TRPM3: variants seen among roughly 807,000 people sequenced by gnomAD.
The protein encoded by TRPM3 is long transient receptor potential channel 3.
In TRPM3, 77 loss-of-function variants were observed where a neutral mutation model predicts 181.2. That is an observed-to-expected ratio of 0.42 (90% CI 0.35 to 0.51). The LOEUF (loss-of-function observed/expected upper bound fraction) is 0.51. TRPM3 is among the 20% of genes least tolerant of loss of function. The pLI is 0.01. For synonymous variants in TRPM3, 745 were observed against 796.4 expected, an observed-to-expected ratio of 0.94 and a Z score of 1.09; for missense variants, 1,759 against 2,196.7, an observed-to-expected ratio of 0.80 and a Z score of 3.98.
intron 1 of TRPM3, among the ~76,000 whole-genome samples, chr9:70,866,673 C>G (rs777923456): frequency 5.3e-5 from 8 of 151,960 alleles, no homozygotes; most frequent in Admixed American, 1.3e-4. Flanking sequence ...AACCCACAAG[C>G]CCTGGCTGGC....
At chr9:70,910,359 G>C (rs1417572750) in intron 1 of TRPM3, among the ~76,000 whole-genome samples, 2 of 152,022 alleles carry the variant, frequency 1.3e-5, no homozygotes, top group Non-Finnish European at 2.9e-5. Context: ...GGTATTTGAA[G>C]TCAGGATATG....
At chr9:70,607,344 T>C (rs1251368989) in intron 19 of TRPM3, among the ~76,000 whole-genome samples, 1 of 152,152 alleles carries the variant, frequency 6.6e-6, no homozygotes, top group Non-Finnish European at 1.5e-5. Flanking sequence ...GTTAAGCATG[T>C]CTGGTGATTC....
chr9:70,553,779 G>T (rs1304948944), intron 22 of TRPM3, among the ~76,000 whole-genome samples: 2 of 152,220 alleles, frequency 1.3e-5, no homozygotes, highest in East Asian at 3.8e-4. Flanking sequence ...ATTAACAACA[G>T]GGCAGCTGTT....
At chr9:71,010,725 C>CA (rs528409203) in intron 1 of TRPM3, among the ~76,000 whole-genome samples, 182 of 152,142 alleles carry the variant, frequency 1.2e-3, no homozygotes, top group African/African-American at 4.1e-3. Context: ...GAGCGTTCCA[C>CA]AAAAAATTAA....
intron 1 of TRPM3, among the ~76,000 whole-genome samples, chr9:71,413,696 G>T (rs2093595870): frequency 6.6e-6 from 1 of 151,978 alleles, no homozygotes; most frequent in Non-Finnish European, 1.5e-5. Flanking sequence ...AAGGGCTTGT[G>T]GAAGTAGTTC....
chr9:71,093,621 G>A (rs557628799), intron 1 of TRPM3, among the ~76,000 whole-genome samples: 8 of 152,248 alleles, frequency 5.3e-5, no homozygotes, highest in East Asian at 3.9e-4. Flanking sequence ...AAATAGGAAC[G>A]CTTTTAAACT....
intron 19 of TRPM3, 131 bp downstream of exon 19, chr9:70,610,478 G>A: frequency 8.6e-7 from 1 of 1,159,928 alleles, no homozygotes; most frequent in South Asian, 1.6e-5. Flanking sequence ...TATTGAAAAA[G>A]CAAGGTCACA....
At chr9:71,294,582 T>C (rs1246811973) in intron 1 of TRPM3, among the ~76,000 whole-genome samples, 1 of 151,948 alleles carries the variant, frequency 6.6e-6, no homozygotes, top group Admixed American at 6.6e-5. Flanking sequence ...TATAGTAGAG[T>C]TGAATATGAG....
At chr9:71,300,327 C>T (rs574491408) in intron 1 of TRPM3, among the ~76,000 whole-genome samples, 1 of 152,168 alleles carries the variant, frequency 6.6e-6, no homozygotes, top group Non-Finnish European at 1.5e-5. Flanking sequence ...GACAGGGATG[C>T]TGCTGATTAA....
intron 1 of TRPM3, among the ~76,000 whole-genome samples, chr9:71,231,850 T>C (rs1222172383): frequency 6.6e-6 from 1 of 152,212 alleles, no homozygotes; most frequent in African/African-American, 2.4e-5. Context: ...GCCTGAGTGA[T>C]GCGATCATTC....
chr9:70,643,351 T>C (rs890676342), intron 9 of TRPM3, among the ~76,000 whole-genome samples: 2 of 152,184 alleles, frequency 1.3e-5, no homozygotes, highest in Non-Finnish European at 2.9e-5. Flanking sequence ...CCTTTGCCAT[T>C]TGTATGTTGC....
chr9:71,321,284 C>G (rs1362872107), intron 1 of TRPM3, among the ~76,000 whole-genome samples: 1 of 152,106 alleles, frequency 6.6e-6, no homozygotes, highest in Non-Finnish European at 1.5e-5. Flanking sequence ...AAACTAGACC[C>G]TAACATTGTC....
rs190683319 is a variant in TRPM3 at position 71,297,186 on chromosome 9, G to C, written c.183+149467C>G. Among the ~76,000 whole-genome samples the C allele has an allele frequency of 5.6e-3, 851 of 151,910 alleles. 9 individuals carry two copies. Among genetic ancestry groups the C allele is most frequent in the Non-Finnish European group, 8.7e-3 (593 of 67,960 alleles). On this transcript the variant is annotated intron_variant, in intron 1 of 24. Coordinates refer to the TRPM3 transcript ENST00000357533. ...ATTTTGTATTTTTAGTAGAGACCAG[G>C]TTTTCTTTTCATTACTTCTCAGTAT...
intron 22 of TRPM3, among the ~76,000 whole-genome samples, chr9:70,554,872 A>C (rs2047272800): frequency 6.6e-6 from 1 of 152,152 alleles, no homozygotes; most frequent in African/African-American, 2.4e-5. Context: ...AGAATCAGGC[A>C]TTTTTGAGGA....
intron 9 of TRPM3, among the ~76,000 whole-genome samples, chr9:70,663,334 A>G (rs1405527492): frequency 6.6e-6 from 1 of 152,104 alleles, no homozygotes; most frequent in African/African-American, 2.4e-5. Flanking sequence ...AGAAATCAAC[A>G]CTAAAGAACT....
At chr9:70,755,721 C>T (rs939530059) in intron 8 of TRPM3, among the ~76,000 whole-genome samples, 3 of 152,070 alleles carry the variant, frequency 2.0e-5, no homozygotes, top group Admixed American at 6.6e-5. Flanking sequence ...TCCAGCCAAA[C>T]TAAGCTTCAC....
intron 6 of TRPM3, among the ~76,000 whole-genome samples, chr9:70,786,998 A>G (rs1279067013): frequency 6.6e-6 from 1 of 152,150 alleles, no homozygotes; most frequent in Non-Finnish European, 1.5e-5. Flanking sequence ...TCTGGCATCT[A>G]CAAGACAGCA....
chr9:70,930,831 T>C (rs1217740694), intron 1 of TRPM3, among the ~76,000 whole-genome samples: 1 of 152,138 alleles, frequency 6.6e-6, no homozygotes, highest in Non-Finnish European at 1.5e-5. Context: ...CCTTGCAGCA[T>C]GTTTAGTTGA....
chr9:71,369,811 T>C (rs2092453729), intron 1 of TRPM3, among the ~76,000 whole-genome samples: 2 of 152,246 alleles, frequency 1.3e-5, no homozygotes, highest in South Asian at 4.1e-4. Context: ...CTTCACTTTA[T>C]TGTGCTTCAT....
Sources: allele counts gnomAD v4.1 joint callset (sites outside exome capture counted in the v4.1 genomes callset), GRCh38; gene constraint gnomAD v4.1.1; transcripts MANE v1.5; gene names NCBI Gene and HGNC (gene_info 2026-07-23, HGNC 2026-07-21).